Variants in ELOVL2 observed in about 807,000 individuals in gnomAD.
ELOVL2 encodes the protein very long chain fatty acid elongase 2.
In ELOVL2, 38 loss-of-function variants were observed where a neutral mutation model predicts 37.7. That is an observed-to-expected ratio of 1.01 (90% confidence interval 0.78 to 1.32). The LOEUF is 1.32. Ranked by LOEUF, ELOVL2 falls within the 40% of genes most tolerant of loss-of-function variation. The pLI, the probability that ELOVL2 is intolerant of heterozygous loss-of-function variation, is 0.00. For synonymous variants in ELOVL2, 115 were observed against 122.3 expected (o/e 0.94, Z 0.40); for missense variants, 352 against 363.6 (o/e 0.97, Z 0.26).
At chr6:11,020,687 C>T (rs1782753005) in intron 1 of ELOVL2, among the ~76,000 whole-genome samples, 1 of 152,176 alleles carries the variant, frequency 6.6e-6, no homozygotes, top group African/African-American at 2.4e-5. Flanking sequence ...AGGGGCTTCC[C>T]TCAGTGGATG....
At chr6:10,990,807 CTTTGCT>C (rs1433993319) in intron 5 of ELOVL2, among the ~76,000 whole-genome samples, 3 of 152,184 alleles carry the variant, frequency 2.0e-5, no homozygotes, top group African/African-American at 7.2e-5. Flanking sequence ...ATAGAATTGT[CTTTGCT>C]TTTTAGCTAA....
At chr6:10,999,223 G>A (rs1195212148) in intron 4 of ELOVL2, among the ~76,000 whole-genome samples, 2 of 151,886 alleles carry the variant, frequency 1.3e-5, no homozygotes, top group African/African-American at 2.4e-5. Context: ...CAACTTTTAG[G>A]GGGCGGCTGC....
intron 1 of ELOVL2, among the ~76,000 whole-genome samples, chr6:11,031,316 T>C (rs1287943605): frequency 6.6e-6 from 1 of 152,208 alleles, no homozygotes; most frequent in Non-Finnish European, 1.5e-5. Flanking sequence ...AATTGCTACA[T>C]TGGGGAATAC....
intron 1 of ELOVL2, among the ~76,000 whole-genome samples, chr6:11,029,057 C>CAAAAA (rs61212546): frequency 1.7e-4 from 14 of 83,540 alleles, no homozygotes; most frequent in Non-Finnish European, 2.5e-4. Context: ...TTTGTCTCTA[C>CAAAAA]AAAAAAAAAA....
chr6:10,996,819 G>A (rs1782277158), intron 4 of ELOVL2, among the ~76,000 whole-genome samples: 1 of 151,492 alleles, frequency 6.6e-6, no homozygotes, highest in Admixed American at 6.6e-5. Context: ...AGACCAGCCT[G>A]GTTAACATGG....
At chr6:11,032,617 T>C (rs1052694720) in intron 1 of ELOVL2, among the ~76,000 whole-genome samples, 2 of 152,240 alleles carry the variant, frequency 1.3e-5, no homozygotes, top group Non-Finnish European at 2.9e-5. Context: ...AATGAAATAA[T>C]CTCAGTCTCA....
intron 1 of ELOVL2, among the ~76,000 whole-genome samples, chr6:11,017,424 G>T (rs1048071819): frequency 6.6e-6 from 1 of 152,262 alleles, no homozygotes; most frequent in South Asian, 2.1e-4. Flanking sequence ...CGGATCTCAA[G>T]CCCCTTTCTT....
intron 7 of ELOVL2, among the ~76,000 whole-genome samples, chr6:10,987,711 G>T (rs1173924729): frequency 6.6e-6 from 1 of 152,106 alleles, no homozygotes; most frequent in East Asian, 1.9e-4. Context: ...ATATTGTGGG[G>T]CTGGCAAAGT....
chr6:11,000,136 T>C lies in ELOVL2; in HGVS notation c.284A>G (p.Tyr95Cys), dbSNP rs774926714. Residue 95 changes from tyrosine (Y) to cysteine (C), a missense_variant, in exon 4 of 8, where the codon TAC becomes TGC. By Grantham distance (194) the Tyr-to-Cys change is radical (BLOSUM62 -2). Coordinates refer to ENST00000354666, the MANE Select transcript of ELOVL2 (RefSeq NM_017770.4). ...ELILSTWEGGYNLQCQDLTSA... is the reference protein window; with the variant it reads ...ELILSTWEGGCNLQCQDLTSA... ...GGTAAGATCTTGACACTGTAAGTTG[T>C]AGCCTCCTTCCCAAGTGGAGAGAAT... 3 of 1,614,174 alleles carry C rather than the reference T, an allele frequency of 1.9e-6. No individual in the cohort carries two copies. Among genetic ancestry groups the C allele is most frequent in the African/African-American group, 1.3e-5 (1 of 75,040 alleles).
intron 3 of ELOVL2, among the ~76,000 whole-genome samples, chr6:11,004,984 C>A (rs1432143330): frequency 6.6e-6 from 1 of 152,120 alleles, no homozygotes; most frequent in Non-Finnish European, 1.5e-5. Context: ...CACAGTGAAA[C>A]CCTGTCTGTA....
At chr6:11,005,243 A>T (rs1026534522) in intron 3 of ELOVL2, 129 bp downstream of exon 3, 2 of 744,886 alleles carry the variant, frequency 2.7e-6, no homozygotes, top group African/African-American at 3.5e-5. Context: ...AAAGAATAAT[A>T]TCAAATGCTG....
intron 1 of ELOVL2, among the ~76,000 whole-genome samples, chr6:11,014,967 A>G (rs763309099): frequency 2.0e-5 from 3 of 152,180 alleles, no homozygotes; most frequent in African/African-American, 4.8e-5. Context: ...AAAAGCAGAA[A>G]CTCCCAAATG....
intron 2 of ELOVL2, among the ~76,000 whole-genome samples, chr6:11,009,877 T>C (rs1220385536): frequency 6.6e-6 from 1 of 152,020 alleles, no homozygotes; most frequent in Non-Finnish European, 1.5e-5. Context: ...TGACACTGAA[T>C]AAATGACTGG....
At chr6:10,986,507 T>A (rs1372890685) in intron 7 of ELOVL2, among the ~76,000 whole-genome samples, 1 of 152,200 alleles carries the variant, frequency 6.6e-6, no homozygotes, top group Non-Finnish European at 1.5e-5. Context: ...GCTCTTATTA[T>A]TTTGAGATAC....
chr6:11,020,607 C>T (rs1012872568), intron 1 of ELOVL2, among the ~76,000 whole-genome samples: 2 of 152,140 alleles, frequency 1.3e-5, no homozygotes, highest in South Asian at 4.1e-4. Flanking sequence ...TGCTAACATA[C>T]CTCAGAGGAA....
intron 1 of ELOVL2, among the ~76,000 whole-genome samples, chr6:11,030,942 G>A (rs1782921793): frequency 6.6e-6 from 1 of 152,168 alleles, no homozygotes; most frequent in African/African-American, 2.4e-5. Flanking sequence ...TCAACTTGAT[G>A]TCAAGCCTTC....
At position 11,005,532 on chromosome 6, in the gene ELOVL2, A is replaced by G; in HGVS notation, c.95T>C (p.Leu32Ser). The G allele has an allele frequency of 6.2e-7, 1 of 1,613,746 alleles. No individual in the cohort carries two copies. The highest frequency in any genetic ancestry group is 1.1e-5 in the South Asian group (1 of 90,924). The part of the protein sequence containing the change: ...RDSRVRGWFM[L>S]DSYLPTFFLT... ...AAAAAAGGTAGGAAGGTAAGAGTCC[A>G]ACATGAACCACCCTCTGACTCGAGA... Residue 32 changes from leucine (L) to serine (S), a missense_variant, in exon 3 of 8, where the codon TTG becomes TCG. By Grantham distance (145) the Leu-to-Ser change is moderately radical (BLOSUM62 -2). Transcript: ENST00000354666.
intron 7 of ELOVL2, among the ~76,000 whole-genome samples, chr6:10,985,687 G>T (rs547186892): frequency 0.02 from 3,040 of 151,852 alleles, 94 homozygotes; most frequent in African/African-American, 0.07. Flanking sequence ...TGAGGGCTCT[G>T]TTCTGTTCCA....
At chr6:11,036,297 C>G (rs193041236) in intron 1 of ELOVL2, among the ~76,000 whole-genome samples, 56 of 152,264 alleles carry the variant, frequency 3.7e-4, no homozygotes, top group Admixed American at 6.5e-5. Flanking sequence ...TATTTTTTAA[C>G]AGAGAAACAT....
Sources: allele counts gnomAD v4.1 joint callset (sites outside exome capture counted in the v4.1 genomes callset), GRCh38; gene constraint gnomAD v4.1.1; transcripts MANE v1.5; gene names NCBI Gene and HGNC (gene_info 2026-07-23, HGNC 2026-07-21).